SYNPO: variants seen among roughly 807,000 people sequenced by gnomAD.
SYNPO encodes synaptopodin.
Under a neutral mutation model 49.5 loss-of-function variants are expected in SYNPO, and 19 were observed. That is an observed-to-expected ratio of 0.38 (90% confidence interval 0.27 to 0.56). The LOEUF is 0.56. SYNPO is among the 20% of genes least tolerant of loss of function. SYNPO has a pLI of 0.68. For synonymous variants in SYNPO, 536 were observed against 548.0 expected (o/e 0.98, Z 0.31); for missense variants, 1,131 against 1,248.3 (o/e 0.91, Z 1.42).
In SYNPO at chr5:150,615,890, C is replaced by T. The variant is rs1334683483; in HGVS notation, c.-265-2213C>T. On this transcript the variant is annotated intron_variant, in intron 1 of 2. Transcript: ENST00000394243. ...CCTATCTGAGCCTCAATTTCCTCAC[C>T]TCTGAAATGGGATAATAATAAGGTA... Among the ~76,000 whole-genome samples the T allele has an allele frequency of 2.0e-5, 3 of 152,212 alleles. No homozygotes were observed. In the South Asian group the frequency reaches 6.2e-4, roughly 31 times the overall value.
the SYNPO span, among the ~76,000 whole-genome samples, chr5:150,589,448 A>G: frequency 6.6e-6 from 1 of 152,222 alleles, no homozygotes; most frequent in South Asian, 2.1e-4. Context: ...GACGCTCTGC[A>G]CGTCATTACC....
chr5:150,602,114 C>T (rs188684770), intron 1 of SYNPO, among the ~76,000 whole-genome samples: 297 of 152,266 alleles, frequency 2.0e-3, no homozygotes, highest in South Asian at 3.5e-3. Context: ...AGCCTTGGTG[C>T]GAGGCTGGAG....
In SYNPO at chr5:150,649,587, G is replaced by A. The variant is rs1375738412; in HGVS notation, c.1312G>A (p.Asp438Asn). ...CTTCCAGCAGGAGCCAGCACCTCGT[G>A]ACAGGGCCAGCCCCGCGGCGGCGGA... ...SNFQQEPAPR[D>N]RASPAAAEEV... The change falls in exon 2 of 3, where the codon GAC becomes AAC. Residue 438 changes from aspartate (D) to asparagine (N), a missense_variant. Transcript: ENST00000307662. The A allele has an allele frequency of 6.2e-7, 1 of 1,610,298 alleles. No homozygotes were observed.
chr5:150,618,079 T>G, intron 1 of SYNPO: 1 of 325,062 alleles, frequency 3.1e-6, no homozygotes, highest in Admixed American at 4.5e-5. Context: ...TCATGTGCTG[T>G]TTCTTTCTTC....
chr5:150,649,660 A>C lies in SYNPO; in HGVS notation c.1385A>C (p.Gln462Pro). 1 of 1,609,928 alleles carries C rather than the reference A, an allele frequency of 6.2e-7. No individual in the cohort carries two copies. The highest frequency in any genetic ancestry group is 8.5e-7 in the Non-Finnish European group (1 of 1,179,946). The change falls in exon 2 of 3, where the codon CAG (glutamine) becomes CCG (proline). Residue 462 changes from glutamine (Q) to proline (P), a missense_variant. Physicochemically the swap from Gln to Pro is moderately conservative, Grantham distance 76. Transcript: ENST00000307662. ...WASCLKSPRI[Q>P]AKPKPKPNQN... ...TCCTGCCTCAAGTCACCCCGCATCC[A>C]GGCCAAGCCGAAGCCCAAACCCAAC... is the stretch of plus-strand genomic sequence containing the variant.
chr5:150,601,611 G>T (rs552159780), intron 1 of SYNPO, among the ~76,000 whole-genome samples: 1 of 152,210 alleles, frequency 6.6e-6, no homozygotes, highest in African/African-American at 2.4e-5. Context: ...GAGCCTGTCT[G>T]CAGGTCGGTG....
At position 150,656,886 on chromosome 5, in the gene SYNPO, TC is replaced by T; in HGVS notation, c.2515del (p.Arg839GlyfsTer100). Reference protein sequence around the residue: ...LPAGPSSCTSPRSPLPAPPRP... With the variant: ...LPAGPSSCTSXRSPLPAPPRP... Reference sequence around the variant, plus strand: ...CCGCCGGTCCTTCGTCCTGCACCAGTCCCCGGAGCCCGCTGCCCGCGCCTCC... The same window carrying T: ...CCGCCGGTCCTTCGTCCTGCACCAGTCCCGGAGCCCGCTGCCCGCGCCTCC... On this transcript the variant is annotated frameshift_variant, in exon 3 of 3. Coordinates refer to ENST00000307662, the MANE Select transcript of SYNPO (RefSeq NM_007286.6). LOFTEE classifies it high-confidence loss of function. The T allele has an allele frequency of 6.3e-7, 1 of 1,575,680 alleles. No individual in the cohort carries two copies. Among genetic ancestry groups the T allele is most frequent in the Non-Finnish European group, 8.6e-7 (1 of 1,162,290 alleles).
At chr5:150,618,842 T>G in intron 2 of SYNPO, 1 of 1,514,260 alleles carries the variant, frequency 6.6e-7, no homozygotes, top group Non-Finnish European at 8.9e-7. Flanking sequence ...CAAGGGCTCC[T>G]GACCATATTT....
rs146872382 is a variant in SYNPO at position 150,619,367 on chromosome 5, G to A, written c.400+600G>A. Among the ~76,000 whole-genome samples, 13 of 152,272 alleles carry A rather than the reference G, an allele frequency of 8.5e-5. No individual in the cohort carries two copies. In the East Asian group the frequency reaches 1.4e-3, roughly 16 times the overall value. ...TGGCTGAGCTAGGCCCACGTTCCTC[G>A]CCTAGGCCTTGGTTTTTCATTTGTT... On this transcript the variant is annotated intron_variant, in intron 2 of 2. Coordinates refer to the SYNPO transcript ENST00000394243.
chr5:150,656,965 T>C lies in SYNPO; in HGVS notation c.2590T>C (p.Ser864Pro), dbSNP rs1361836960. Residue 864 changes from serine to proline, a missense_variant, in exon 3 of 3, where the codon TCC becomes CCC. Transcript: ENST00000307662. Reference protein sequence around the residue: ...SPTDSDVSLDSEDSGAKSPGI... With the variant: ...SPTDSDVSLDPEDSGAKSPGI... ...CACGGACTCCGACGTGTCCCTCGAC[T>C]CCGAGGACTCCGGGGCTAAGTCTCC... The C allele has an allele frequency of 1.9e-6, 3 of 1,590,690 alleles. No individual in the cohort carries two copies. The South Asian group carries it at 3.4e-5, about 18-fold the overall frequency.
Position 150,648,416 on chromosome 5 carries a change from C to A in SYNPO, c.141C>A (p.Asn47Lys), listed in dbSNP as rs768275869. 1 of 1,614,176 alleles carries A rather than the reference C, an allele frequency of 6.2e-7. No individual in the cohort carries two copies. The highest frequency in any genetic ancestry group is 1.1e-5 in the South Asian group (1 of 91,086). The change falls in exon 2 of 3, where the codon AAC becomes AAA. Residue 47 changes from asparagine (N) to lysine (K), a missense_variant. Transcript: ENST00000307662. The surrounding 1 kb of genome is among the most constrained non-coding windows in gnomAD (Gnocchi z 5.0). ...CCAATGGGCTGCACCTGTCCCAAAA[C>A]CGAGAGGCCCAGCAGTCCTCACCGG... ...LTANGLHLSQNREAQQSSPAP... is the reference protein window; with the variant it reads ...LTANGLHLSQKREAQQSSPAP...
intron 1 of SYNPO, chr5:150,617,776 T>C (rs1191572262): frequency 6.6e-6 from 1 of 152,198 alleles, no homozygotes. Flanking sequence ...TTAATGTGCA[T>C]TGGGGGAAAA....
At chr5:150,639,198 C>T (rs891433508), upstream of SYNPO, among the ~76,000 whole-genome samples, 1 of 152,256 alleles carries the variant, frequency 6.6e-6, no homozygotes, top group African/African-American at 2.4e-5. Flanking sequence ...GAAGATGGGT[C>T]AGGCTTGCGC....
the SYNPO span, among the ~76,000 whole-genome samples, chr5:150,586,085 A>G: frequency 6.6e-6 from 1 of 152,238 alleles, no homozygotes; most frequent in Non-Finnish European, 1.5e-5. Flanking sequence ...TCCCTGCTGT[A>G]TGGCGCAGCT....
At chr5:150,636,789 G>C (rs183181237), upstream of SYNPO, among the ~76,000 whole-genome samples, 2 of 148,916 alleles carry the variant, frequency 1.3e-5, no homozygotes, top group Admixed American at 1.3e-4. Context: ...TGTGCAGAGA[G>C]AACGCGGGGT....
At chr5:150,622,919 T>A (rs1209169278) in intron 2 of SYNPO, among the ~76,000 whole-genome samples, 3 of 152,194 alleles carry the variant, frequency 2.0e-5, no homozygotes, top group African/African-American at 7.2e-5. Context: ...TATCTACACA[T>A]GATGTATAGA....
At chr5:150,654,683 C>T (rs909589766) in intron 2 of SYNPO, among the ~76,000 whole-genome samples, 6 of 152,178 alleles carry the variant, frequency 3.9e-5, no homozygotes, top group South Asian at 4.1e-4. Flanking sequence ...CGTGTGCTGC[C>T]TAGGGAGGAA....
chr5:150,606,693 C>T (rs1188182641), intron 1 of SYNPO, among the ~76,000 whole-genome samples: 1 of 152,200 alleles, frequency 6.6e-6, no homozygotes, highest in East Asian at 1.9e-4. Flanking sequence ...CCCACAGTCA[C>T]AAGGGTTGGA....
chr5:150,589,613 A>G, the SYNPO span, among the ~76,000 whole-genome samples: 1 of 152,238 alleles, frequency 6.6e-6, no homozygotes, highest in Non-Finnish European at 1.5e-5. Context: ...CAAAGGATAC[A>G]TGCATTTAAT....
Sources: gnomAD v4.1 joint callset for allele counts (sites outside exome capture counted in the v4.1 genomes callset) on GRCh38, gnomAD v4.1.1 for gene constraint, Gnocchi (gnomAD v3.1) non-coding constraint, MANE v1.5 for transcripts, NCBI Gene and HGNC (gene_info 2026-07-23, HGNC 2026-07-21) for gene names.